Variants in TBCK observed in about 807,000 individuals in gnomAD.
The protein encoded by TBCK is TBC1 domain containing kinase.
A neutral mutation model predicts 113.4 loss-of-function variants in TBCK; 99 were observed. That is an observed-to-expected ratio of 0.87 (90% CI 0.74 to 1.03). TBCK has a LOEUF of 1.03. TBCK is among the 50% of genes least tolerant of loss of function. TBCK has a pLI of 0.00. For missense variants in TBCK, 1,045 were observed against 1,061.3 expected, an observed-to-expected ratio of 0.98 and a Z score of 0.21; for synonymous variants, 369 against 370.8, an observed-to-expected ratio of 1.00 and a Z score of 0.05.
At position 106,250,458 on chromosome 4, in the gene TBCK, G is replaced by A. The variant is rs2150060875; in HGVS notation, c.618C>T (p.Ser206=). 1 of 1,560,980 alleles carries A rather than the reference G, an allele frequency of 6.4e-7. No individual in the cohort carries two copies. Among genetic ancestry groups the A allele is most frequent in the South Asian group, 1.2e-5 (1 of 84,422 alleles). Residue 206 remains serine (S), a synonymous_variant, in exon 7 of 26, where the codon AGC becomes AGT. Coordinates refer to ENST00000394708, the MANE Select transcript of TBCK (RefSeq NM_001163435.3). ...ELCVGRKLFQ[S]LDISERLKFL... ...ATTTTAGTCTTTCAGAAATATCCAA[G>A]CTCTGAAATAATTTTCTTCCCTAAA...
At chr4:106,215,909 A>G (rs1756840664) in intron 19 of TBCK, among the ~76,000 whole-genome samples, 1 of 151,190 alleles carries the variant, frequency 6.6e-6, no homozygotes, top group Non-Finnish European at 1.5e-5. Flanking sequence ...TCAACAGAAT[A>G]TACATTTTTT....
intron 20 of TBCK, among the ~76,000 whole-genome samples, chr4:106,210,839 A>G (rs1756047523): frequency 6.6e-6 from 1 of 152,200 alleles, no homozygotes; most frequent in African/African-American, 2.4e-5. Context: ...TTCTTACATC[A>G]TACTCATTCA....
chr4:106,119,973 C>T (rs930727796), intron 23 of TBCK, among the ~76,000 whole-genome samples: 5 of 152,090 alleles, frequency 3.3e-5, no homozygotes, highest in Non-Finnish European at 7.4e-5. Context: ...CCAAGATGGC[C>T]GAATAGGAAC....
intron 15 of TBCK, among the ~76,000 whole-genome samples, chr4:106,234,587 G>T (rs538367897): frequency 6.6e-6 from 1 of 152,138 alleles, no homozygotes; most frequent in Admixed American, 6.6e-5. Context: ...GGGACCACAG[G>T]CATGTGCCAC....
intron 24 of TBCK, among the ~76,000 whole-genome samples, chr4:106,102,816 G>T (rs1741702851): frequency 6.6e-6 from 1 of 152,152 alleles, no homozygotes; most frequent in East Asian, 1.9e-4. Context: ...GAAGGAAAAG[G>T]TGTTAGAGAA....
intron 22 of TBCK, among the ~76,000 whole-genome samples, chr4:106,184,141 T>C (rs1180131128): frequency 7.9e-5 from 12 of 152,058 alleles, no homozygotes; most frequent in Non-Finnish European, 2.9e-5. Flanking sequence ...ATTTTGTCAC[T>C]AAAAATCTCT....
At chr4:106,153,131 T>C (rs953896720) in intron 23 of TBCK, among the ~76,000 whole-genome samples, 3 of 152,130 alleles carry the variant, frequency 2.0e-5, no homozygotes, top group Non-Finnish European at 4.4e-5. Flanking sequence ...CTCATTTTAC[T>C]AATTCTTTAA....
intron 23 of TBCK, among the ~76,000 whole-genome samples, chr4:106,143,444 T>A (rs995498488): frequency 2.0e-5 from 3 of 152,206 alleles, no homozygotes; most frequent in African/African-American, 7.2e-5. Context: ...CAAATTATGA[T>A]TTCCCGAAGA....
At chr4:106,103,954 G>A (rs1741847114) in intron 24 of TBCK, among the ~76,000 whole-genome samples, 2 of 152,134 alleles carry the variant, frequency 1.3e-5, no homozygotes, top group African/African-American at 4.8e-5. Context: ...AACGGCCCCA[G>A]AAAAACACAC....
chr4:106,080,405 A>G (rs561804233), intron 25 of TBCK, among the ~76,000 whole-genome samples: 1 of 152,316 alleles, frequency 6.6e-6, no homozygotes, highest in South Asian at 2.1e-4. Context: ...GACAAAGTCA[A>G]CTATAATACA....
intron 22 of TBCK, among the ~76,000 whole-genome samples, chr4:106,171,591 A>G (rs1051837355): frequency 2.6e-5 from 4 of 152,062 alleles, no homozygotes; most frequent in East Asian, 3.9e-4. Flanking sequence ...ACAGAATAGA[A>G]CACATCTCCT....
chr4:106,074,625 A>G (rs1488734537), intron 25 of TBCK, among the ~76,000 whole-genome samples: 2 of 152,204 alleles, frequency 1.3e-5, no homozygotes, highest in South Asian at 2.1e-4. Context: ...TTTAGATACT[A>G]CCCTTATCCA....
chr4:106,114,562 G>T (rs1041295623), intron 24 of TBCK, among the ~76,000 whole-genome samples: 11 of 152,208 alleles, frequency 7.2e-5, no homozygotes, highest in Non-Finnish European at 1.3e-4. Context: ...CCCTGCTCGG[G>T]GTCTATAAGC....
chr4:106,108,032 T>C (rs576897325), intron 24 of TBCK, among the ~76,000 whole-genome samples: 3 of 152,138 alleles, frequency 2.0e-5, no homozygotes, highest in Admixed American at 1.3e-4. Flanking sequence ...CCTGGACATA[T>C]ACACCCTCCG....
chr4:106,247,296 C>T lies in TBCK; in HGVS notation c.783-9G>A, dbSNP rs1463881339. 3 of 1,609,594 alleles carry T rather than the reference C, an allele frequency of 1.9e-6. No individual in the cohort carries two copies. The highest frequency in any genetic ancestry group is 2.5e-6 in the Non-Finnish European group (3 of 1,177,074). On this transcript the variant is annotated splice_polypyrimidine_tract_variant and intron_variant, in intron 9 of 25. Coordinates refer to ENST00000394708, the MANE Select transcript of TBCK (RefSeq NM_001163435.3). Reference sequence around the variant, plus strand: ...ATTGATCTGGGGTTGGCCTTGAGAACATTTAAAATACAGAGCATGAATGAA... The same window carrying T: ...ATTGATCTGGGGTTGGCCTTGAGAATATTTAAAATACAGAGCATGAATGAA...
intron 22 of TBCK, among the ~76,000 whole-genome samples, chr4:106,173,729 C>T (rs540546616): frequency 6.6e-6 from 1 of 152,136 alleles, no homozygotes; most frequent in Admixed American, 6.5e-5. Flanking sequence ...CTCATGTCAC[C>T]TCTCATCTCA....
chr4:106,233,507 G>C (rs1458444754), intron 16 of TBCK, 81 bp downstream of exon 16: 3 of 1,076,872 alleles, frequency 2.8e-6, no homozygotes, highest in South Asian at 1.3e-5. Flanking sequence ...ATGAGAGAAA[G>C]AGGCTTTCTT....
At chr4:106,292,322 A>T (rs1057233604) in intron 3 of TBCK, among the ~76,000 whole-genome samples, 1 of 152,150 alleles carries the variant, frequency 6.6e-6, no homozygotes, top group African/African-American at 2.4e-5. Flanking sequence ...TTGTAATCCC[A>T]GCACTTTGGG....
intron 3 of TBCK, among the ~76,000 whole-genome samples, chr4:106,281,771 A>T (rs1276101511): frequency 1.1e-4 from 16 of 152,070 alleles, no homozygotes. Flanking sequence ...AGCTCACTTG[A>T]TCATGACGAA....
Sources: gnomAD v4.1 joint callset for allele counts (sites outside exome capture counted in the v4.1 genomes callset) on GRCh38, gnomAD v4.1.1 for gene constraint, MANE v1.5 for transcripts, NCBI Gene and HGNC (gene_info 2026-07-23, HGNC 2026-07-21) for gene names.